Variants in PRKG1 observed in about 807,000 individuals in gnomAD.
PRKG1 encodes cGMP-dependent protein kinase 1.
A neutral mutation model predicts 88.1 loss-of-function variants in PRKG1; 35 were observed. The observed-to-expected ratio is 0.40, with a 90% confidence interval of 0.30 to 0.53. The LOEUF is 0.53. Ranked by LOEUF, PRKG1 falls within the 20% of genes least tolerant of loss-of-function variation. The pLI is 0.59. For missense variants in PRKG1, 540 were observed against 839.8 expected (o/e 0.64, Z 4.41); for synonymous variants, 303 against 292.5 (o/e 1.04, Z -0.37).
intron 5 of PRKG1, among the ~76,000 whole-genome samples, chr10:52,001,016 A>G (rs1351776833): frequency 2.6e-5 from 4 of 151,858 alleles, no homozygotes; most frequent in East Asian, 3.9e-4. Flanking sequence ...CCTGCCAAAC[A>G]CCTAGTAACT....
intron 2 of PRKG1, among the ~76,000 whole-genome samples, chr10:51,174,295 G>A (rs937006720): frequency 2.6e-5 from 4 of 151,886 alleles, no homozygotes; most frequent in African/African-American, 9.7e-5. Flanking sequence ...ATGCCTTCCT[G>A]CAAGGGTGCT....
At chr10:51,041,151 C>G (rs1034906740) in intron 1 of PRKG1, among the ~76,000 whole-genome samples, 11 of 152,188 alleles carry the variant, frequency 7.2e-5, no homozygotes, top group Admixed American at 5.9e-4. Flanking sequence ...GATGTTCATT[C>G]AAGGCCCAAG....
intron 2 of PRKG1, among the ~76,000 whole-genome samples, chr10:51,331,324 G>A (rs1361359435): frequency 6.6e-6 from 1 of 152,110 alleles, no homozygotes; most frequent in African/African-American, 2.4e-5. Flanking sequence ...GGTGGTGCAA[G>A]CTGGAGACTG....
intron 5 of PRKG1, among the ~76,000 whole-genome samples, chr10:52,048,370 G>C (rs1018067143): frequency 5.9e-5 from 9 of 152,078 alleles, no homozygotes; most frequent in Non-Finnish European, 1.0e-4. Context: ...TTGTGTTTTA[G>C]TTTATATTAA....
chr10:52,102,590 C>CAAAA (rs34379591), intron 7 of PRKG1, among the ~76,000 whole-genome samples: 1 of 112,258 alleles, frequency 8.9e-6, no homozygotes, highest in African/African-American at 3.2e-5. Flanking sequence ...GTGGATATGG[C>CAAAA]AAAAAAAAGA....
intron 7 of PRKG1, among the ~76,000 whole-genome samples, chr10:52,064,674 A>G (rs538775128): frequency 6.6e-5 from 10 of 152,296 alleles, no homozygotes; most frequent in Admixed American, 5.2e-4. Flanking sequence ...CCAGGAGCAC[A>G]GGGATGCCTG....
chr10:51,824,000 A>G lies in PRKG1; in HGVS notation c.698+19310A>G, dbSNP rs1413277872. Among the ~76,000 whole-genome samples the G allele has an allele frequency of 4.6e-5, 7 of 151,332 alleles. No homozygotes were observed. In the East Asian group the frequency reaches 1.2e-3, roughly 25 times the overall value. On this transcript the variant is annotated intron_variant, in intron 4 of 17. Coordinates refer to ENST00000373980, the MANE Select transcript of PRKG1 (RefSeq NM_006258.4). ...GCAAATCTTCTGCCTCAGCCTAACG[A>G]GTAGCTAGGACTACATGTGTGCACC...
intron 2 of PRKG1, among the ~76,000 whole-genome samples, chr10:51,311,134 A>G (rs1841175600): frequency 6.6e-6 from 1 of 152,104 alleles, no homozygotes; most frequent in Non-Finnish European, 1.5e-5. Context: ...TTCAAAAGGC[A>G]CCTCCTCCAT....
At chr10:51,870,416 T>A (rs188599437) in intron 4 of PRKG1, among the ~76,000 whole-genome samples, 3 of 144,808 alleles carry the variant, frequency 2.1e-5, no homozygotes, top group Non-Finnish European at 4.4e-5. Flanking sequence ...CCTTTCACCG[T>A]CCATCTGCTT....
At chr10:52,118,290 G>C (rs1011612815) in intron 7 of PRKG1, among the ~76,000 whole-genome samples, 1 of 151,832 alleles carries the variant, frequency 6.6e-6, no homozygotes, top group African/African-American at 2.4e-5. Flanking sequence ...TTTAATCGGG[G>C]TATTCTTTAT....
At chr10:51,581,611 T>C (rs1420480805) in intron 3 of PRKG1, among the ~76,000 whole-genome samples, 1 of 152,144 alleles carries the variant, frequency 6.6e-6, no homozygotes, top group African/African-American at 2.4e-5. Context: ...TCATAGGCTC[T>C]CTGTAGGGGG....
intron 5 of PRKG1, among the ~76,000 whole-genome samples, chr10:51,945,539 T>C (rs1326786935): frequency 6.6e-6 from 1 of 151,942 alleles, no homozygotes; most frequent in East Asian, 1.9e-4. Context: ...TGATGCAGTT[T>C]CTTCCTAGCC....
chr10:51,858,053 AAT>A, intron 4 of PRKG1, among the ~76,000 whole-genome samples: 2 of 115,544 alleles, frequency 1.7e-5, no homozygotes, highest in Admixed American at 2.4e-4. Context: ...CATAAAAGGA[AAT>A]ATATATGCAT....
intron 9 of PRKG1, among the ~76,000 whole-genome samples, chr10:52,170,977 T>G (rs1838654863): frequency 6.6e-6 from 1 of 152,208 alleles, no homozygotes; most frequent in South Asian, 2.1e-4. Flanking sequence ...AATCAGGACC[T>G]AGGTCTGCAT....
chr10:51,332,552 G>GA (rs1232937237), intron 2 of PRKG1, among the ~76,000 whole-genome samples: 1 of 152,164 alleles, frequency 6.6e-6, no homozygotes, highest in Non-Finnish European at 1.5e-5. Flanking sequence ...GGGTTAGAGG[G>GA]AAAATCTATG....
At chr10:51,359,956 C>T (rs1242938940) in intron 2 of PRKG1, among the ~76,000 whole-genome samples, 1 of 151,932 alleles carries the variant, frequency 6.6e-6, no homozygotes, top group Non-Finnish European at 1.5e-5. Context: ...TTCTGCTTCT[C>T]CCACTGAATG....
At chr10:52,293,360 C>T (rs1214135879) in intron 17 of PRKG1, among the ~76,000 whole-genome samples, 3 of 150,302 alleles carry the variant, frequency 2.0e-5, no homozygotes, top group African/African-American at 4.9e-5. Context: ...AGATTCAATG[C>T]CATCCCCATC....
At chr10:51,267,424 CTT>C (rs1319095880) in intron 2 of PRKG1, among the ~76,000 whole-genome samples, 1 of 152,060 alleles carries the variant, frequency 6.6e-6, no homozygotes, top group African/African-American at 2.4e-5. Context: ...TATTAGGTGT[CTT>C]TCAGTTTTTA....
chr10:51,674,204 T>G (rs928319602), intron 3 of PRKG1, among the ~76,000 whole-genome samples: 26 of 152,174 alleles, frequency 1.7e-4, no homozygotes, highest in African/African-American at 6.0e-4. Context: ...AGTTCTGGGG[T>G]ACATGTGCAG....
Sources: allele counts gnomAD v4.1 joint callset (sites outside exome capture counted in the v4.1 genomes callset), GRCh38; gene constraint gnomAD v4.1.1; transcripts MANE v1.5; gene names NCBI Gene and HGNC (gene_info 2026-07-23, HGNC 2026-07-21).